The following CAST variants were observed in gnomAD, a reference collection of about 807,000 sequenced individuals.
CAST encodes MIR583 host.
CAST carries 76 observed loss-of-function variants against 119.6 expected under a neutral mutation model. The ratio of observed to expected loss-of-function variants is 0.64; its 90% CI spans 0.53 to 0.77. The LOEUF (loss-of-function observed/expected upper bound fraction) is 0.77. Among genes scored for constraint, CAST ranks in the 30% least tolerant of loss-of-function variants. The pLI is 0.00. For synonymous variants in CAST, 319 were observed against 331.6 expected (o/e 0.96, Z 0.41); for missense variants, 953 against 946.5 (o/e 1.01, Z -0.09).
At chr5:96,182,910 G>A in the CAST span, among the ~76,000 whole-genome samples, 3 of 151,990 alleles carry the variant, frequency 2.0e-5, no homozygotes, top group African/African-American at 4.8e-5. Flanking sequence ...AGGCCGAGGC[G>A]GGCGGATCTC....
the CAST span, among the ~76,000 whole-genome samples, chr5:96,005,601 A>G: frequency 2.0e-5 from 3 of 152,212 alleles, no homozygotes; most frequent in Non-Finnish European, 4.4e-5. Context: ...CCTTTTTAGT[A>G]CTATTTGATT....
At chr5:96,299,462 A>G in the CAST span, among the ~76,000 whole-genome samples, 1 of 152,188 alleles carries the variant, frequency 6.6e-6, no homozygotes, top group Non-Finnish European at 1.5e-5. Flanking sequence ...GGAGCAAATC[A>G]CAGTGTTAGA....
the CAST span, among the ~76,000 whole-genome samples, chr5:96,343,449 G>C: frequency 6.6e-6 from 1 of 152,136 alleles, no homozygotes; most frequent in Non-Finnish European, 1.5e-5. Flanking sequence ...GAGGAGTTTA[G>C]TTTGAAAATA....
the CAST span, among the ~76,000 whole-genome samples, chr5:96,511,147 T>C: frequency 2.0e-5 from 3 of 152,130 alleles, no homozygotes; most frequent in South Asian, 6.2e-4. Flanking sequence ...AAAGACTATA[T>C]TCTTTATTTA....
the CAST span, among the ~76,000 whole-genome samples, chr5:96,117,128 G>C: frequency 6.6e-6 from 1 of 152,096 alleles, no homozygotes; most frequent in South Asian, 2.1e-4. Flanking sequence ...TGTCTTTAGA[G>C]AGCAAAAATG....
At chr5:96,743,406 T>C (rs1763089064) in intron 16 of CAST, 2 of 447,724 alleles carry the variant, frequency 4.5e-6, no homozygotes, top group South Asian at 4.0e-5. Flanking sequence ...AAGGAGAGAG[T>C]TGCCGGTTCC....
At chr5:96,147,220 C>T in the CAST span, among the ~76,000 whole-genome samples, 22 of 152,120 alleles carry the variant, frequency 1.4e-4, no homozygotes, top group African/African-American at 4.8e-4. Flanking sequence ...TGGTTTTATT[C>T]GTAGTTTTCT....
chr5:95,961,443 T>A, the CAST span: 1 of 1,183,876 alleles, frequency 8.4e-7, no homozygotes, highest in South Asian at 2.6e-5. Context: ...GGCCCTGCCC[T>A]GCCTGGCCGC....
At chr5:96,110,431 T>C in the CAST span, among the ~76,000 whole-genome samples, 1 of 152,204 alleles carries the variant, frequency 6.6e-6, no homozygotes, top group Non-Finnish European at 1.5e-5. Flanking sequence ...TACCATTATA[T>C]ATAAATTACC....
Position 96,754,655 on chromosome 5 carries a change from CAGG to C in CAST, c.1627_1629del (p.Glu543del). ...ACAATGAAAATGGTATAATTTTTCT[CAGG>C]AGAAGGCCAAAGAAGAAGACCGTGA... On this transcript the variant is annotated splice_acceptor_variant and coding_sequence_variant, in exon 22 of 32. Transcript: ENST00000675179. LOFTEE classifies it high-confidence loss of function. 2 of 1,569,020 alleles carry C rather than the reference CAGG, an allele frequency of 1.3e-6. No individual in the cohort carries two copies. The highest frequency in any genetic ancestry group is 2.3e-5 in the South Asian group (2 of 86,608).
the CAST span, among the ~76,000 whole-genome samples, chr5:96,457,414 T>C: frequency 6.6e-6 from 1 of 152,200 alleles, no homozygotes; most frequent in African/African-American, 2.4e-5. Context: ...CATCCTTCTA[T>C]TCAAAACTCT....
At chr5:96,519,419 G>A in the CAST span, among the ~76,000 whole-genome samples, 2 of 152,164 alleles carry the variant, frequency 1.3e-5, no homozygotes, top group African/African-American at 4.8e-5. Flanking sequence ...TCCAGACTCG[G>A]CTTGTGTAAA....
At chr5:95,978,080 T>C in the CAST span, among the ~76,000 whole-genome samples, 18 of 152,198 alleles carry the variant, frequency 1.2e-4, no homozygotes, top group Admixed American at 1.2e-3. Flanking sequence ...TCCATGTCTT[T>C]ACTATTGTGA....
At position 96,746,409 on chromosome 5, in the gene CAST, G is replaced by A; in HGVS notation, c.1268G>A (p.Arg423Lys). The change falls in exon 17 of 32, where the codon AGA (arginine) becomes AAA (lysine). Residue 423 changes from arginine (R) to lysine (K), a missense_variant. Arg to Lys is a conservative substitution (Grantham distance 26). Coordinates refer to ENST00000675179, the MANE Select transcript of CAST (RefSeq NM_001750.7). The part of the protein sequence containing the change: ...EDDETIPSEY[R>K]LKPATDKDGK... The stretch of plus-strand genomic sequence containing the variant: ...GATGAAACAATCCCATCTGAGTACA[G>A]ATTAAAACCAGCCACGGTAAATTTT... 6.2e-7 allele frequency: 1 copy of A among 1,605,844 alleles called. No individual in the cohort carries two copies. The highest frequency in any genetic ancestry group is 1.7e-5 in the Admixed American group (1 of 60,006).
At chr5:96,299,763 T>A in the CAST span, among the ~76,000 whole-genome samples, 1 of 152,234 alleles carries the variant, frequency 6.6e-6, no homozygotes, top group Non-Finnish European at 1.5e-5. Flanking sequence ...AATTTTATTT[T>A]CTATTGTATT....
intron 1 of CAST, among the ~76,000 whole-genome samples, chr5:96,544,040 A>C (rs997188973): frequency 2.0e-5 from 3 of 152,172 alleles, no homozygotes; most frequent in Non-Finnish European, 1.5e-5. Flanking sequence ...TGTGTTGGCT[A>C]TTCTGGGTCT....
chr5:96,394,403 A>C, the CAST span, among the ~76,000 whole-genome samples: 25 of 152,140 alleles, frequency 1.6e-4, no homozygotes, highest in Admixed American at 1.6e-3. Flanking sequence ...TTAATGAATT[A>C]ATAAAAAGAA....
the CAST span, among the ~76,000 whole-genome samples, chr5:96,198,180 G>A: frequency 1.3e-5 from 2 of 152,084 alleles, no homozygotes; most frequent in African/African-American, 4.8e-5. Flanking sequence ...TGAGAGACTG[G>A]TCACACATCC....
At chr5:96,386,066 C>T in the CAST span, among the ~76,000 whole-genome samples, 2 of 152,126 alleles carry the variant, frequency 1.3e-5, no homozygotes, top group African/African-American at 4.8e-5. Flanking sequence ...ATCTCAGATT[C>T]GTTTTTACGA....
Sources: gnomAD v4.1 joint callset for allele counts (sites outside exome capture counted in the v4.1 genomes callset) on GRCh38, gnomAD v4.1.1 for gene constraint, MANE v1.5 for transcripts, NCBI Gene and HGNC (gene_info 2026-07-23, HGNC 2026-07-21) for gene names.